EFCAB5: variants seen among roughly 807,000 people sequenced by gnomAD.
EFCAB5 encodes the protein EF-hand calcium-binding domain-containing protein 5.
In EFCAB5, 131 loss-of-function variants were observed where a neutral mutation model predicts 167.9. The ratio of observed to expected loss-of-function variants is 0.78; its 90% CI spans 0.68 to 0.90. The LOEUF (loss-of-function observed/expected upper bound fraction) is 0.90, where lower values mean the gene tolerates loss of function less well. EFCAB5 is among the 40% of genes least tolerant of loss of function. The pLI is 0.00. For synonymous variants in EFCAB5, 574 were observed against 602.8 expected (o/e 0.95, Z 0.70); for missense variants, 1,663 against 1,745.2 (o/e 0.95, Z 0.84).
intron 8 of EFCAB5, among the ~76,000 whole-genome samples, chr17:30,045,831 C>G (rs895309171): frequency 2.0e-5 from 3 of 151,160 alleles, no homozygotes; most frequent in Admixed American, 2.0e-4. Context: ...GAGACCTGGT[C>G]TCTACAAAAA....
At chr17:30,030,861 C>T (rs2151731414) in intron 7 of EFCAB5, among the ~76,000 whole-genome samples, 1 of 152,200 alleles carries the variant, frequency 6.6e-6, no homozygotes, top group East Asian at 1.9e-4. Flanking sequence ...TCCTATGTTG[C>T]TCAGGCTGGC....
chr17:30,076,302 A>G (rs572847669), intron 14 of EFCAB5, among the ~76,000 whole-genome samples: 1 of 152,374 alleles, frequency 6.6e-6, no homozygotes, highest in Admixed American at 6.5e-5. Context: ...TACTAAACCA[A>G]CCACTCTGGC....
rs895414579 is a variant in EFCAB5 at position 30,091,776 on chromosome 17, T to C, written c.3938-95T>C. On this transcript the variant is annotated intron_variant, in intron 20 of 22. Transcript: ENST00000394835. Reference sequence around the variant, plus strand: ...GGTCTGCTTTTTCTTGACAAAAACATTTACTATAATATGTTCAGAATCCTA... The same window carrying C: ...GGTCTGCTTTTTCTTGACAAAAACACTTACTATAATATGTTCAGAATCCTA... 3.5e-5 allele frequency: 47 copies of C among 1,358,468 alleles called. No individual in the cohort carries two copies. In the African/African-American group the frequency reaches 6.5e-4, roughly 19 times the overall value. 84.2% of individuals were successfully genotyped at this position (1,358,468 alleles called of 1,614,324 possible). A position where few individuals can be genotyped will look rare whatever the true frequency, so the allele number is the denominator to read the frequency against.
At chr17:29,998,382 A>G (rs2068590781) in intron 6 of EFCAB5, among the ~76,000 whole-genome samples, 1 of 152,200 alleles carries the variant, frequency 6.6e-6, no homozygotes, top group South Asian at 2.1e-4. Flanking sequence ...CACCTCCTAT[A>G]CTACAGTATT....
At position 30,025,871 on chromosome 17, in the gene EFCAB5, G is replaced by A. The variant is rs539861584; in HGVS notation, c.1045-8359G>A. Among the ~76,000 whole-genome samples, 146 of 152,176 alleles carry A rather than the reference G, an allele frequency of 9.6e-4. 2 individuals carry two copies. The Middle Eastern group carries it at 0.01, about 11-fold the overall frequency. ...ATGATGAGTTCACGTCCTTTGTAGG[G>A]ACATGGATGAAATTGGAAATCATCA... On this transcript the variant is annotated intron_variant, in intron 7 of 22. Transcript: ENST00000394835.
At chr17:29,961,109 G>C (rs964525712) in intron 3 of EFCAB5, among the ~76,000 whole-genome samples, 1 of 152,066 alleles carries the variant, frequency 6.6e-6, no homozygotes, top group Non-Finnish European at 1.5e-5. Context: ...ACCAACACTC[G>C]TTATTTTCTG....
At chr17:29,947,398 G>A (rs535422377) in intron 3 of EFCAB5, among the ~76,000 whole-genome samples, 1 of 152,130 alleles carries the variant, frequency 6.6e-6, no homozygotes, top group Non-Finnish European at 1.5e-5. Context: ...GATATAATGG[G>A]CTATGGAGAC....
chr17:29,983,362 A>C (rs2068217224), intron 4 of EFCAB5, among the ~76,000 whole-genome samples: 1 of 152,202 alleles, frequency 6.6e-6, no homozygotes, highest in African/African-American at 2.4e-5. Context: ...CCCAGTGTTC[A>C]AGTACTTTTC....
In EFCAB5 at chr17:30,080,913, G is replaced by C; in HGVS notation, c.3358G>C (p.Ala1120Pro). 3 of 1,613,662 alleles carry C rather than the reference G, an allele frequency of 1.9e-6. No individual in the cohort carries two copies. The highest frequency in any genetic ancestry group is 2.5e-6 in the Non-Finnish European group (3 of 1,179,846). ...ATATATGAGGATCTTTGGGGTCTTG[G>C]CTGTTGATACCCTTAGAGATCCCCA... Reference protein sequence around the residue: ...DAYMRIFGVLAVDTLRDPHEI... With the variant: ...DAYMRIFGVLPVDTLRDPHEI... The change falls in exon 17 of 23, where the codon GCT becomes CCT. Residue 1120 changes from alanine to proline, a missense_variant. Coordinates refer to ENST00000394835, the MANE Select transcript of EFCAB5 (RefSeq NM_198529.4).
rs186178258 is a variant in EFCAB5, at chr17:30,070,175, G to T, written c.2738-8040G>T. ...CAATAAACAGACTCACTGGATTATA[G>T]AAAAGAAAATTCACATTTGCCTTAT... On this transcript the variant is annotated intron_variant, in intron 14 of 22. Transcript: ENST00000394835. Among the ~76,000 whole-genome samples the T allele has an allele frequency of 9.6e-4, 146 of 151,932 alleles. 2 individuals carry two copies. The Middle Eastern group carries it at 0.01, about 11-fold the overall frequency.
At chr17:30,089,571 CAA>C (rs533061852) in intron 19 of EFCAB5, among the ~76,000 whole-genome samples, 12 of 152,160 alleles carry the variant, frequency 7.9e-5, no homozygotes, top group Non-Finnish European at 1.5e-4. Context: ...ATGAAAATCT[CAA>C]GTCTCTCACT....
At chr17:30,048,335 C>A (rs1454267101) in intron 8 of EFCAB5, among the ~76,000 whole-genome samples, 1 of 147,828 alleles carries the variant, frequency 6.8e-6, no homozygotes, top group Non-Finnish European at 1.5e-5. Context: ...TCCCTGTCTG[C>A]CAGAATGTTA....
chr17:30,105,348 C>G (rs1033866814), intron 22 of EFCAB5, among the ~76,000 whole-genome samples: 3 of 151,792 alleles, frequency 2.0e-5, no homozygotes, highest in Admixed American at 2.0e-4. Context: ...TTAGCCAGGC[C>G]TGGTGATGGG....
intron 3 of EFCAB5, among the ~76,000 whole-genome samples, chr17:29,956,263 A>C (rs994791492): frequency 1.6e-4 from 25 of 152,260 alleles, no homozygotes; most frequent in African/African-American, 5.8e-4. Flanking sequence ...AAAGCTTTAG[A>C]CAAATTGAAC....
At chr17:30,077,379 G>A (rs745539255) in intron 14 of EFCAB5, among the ~76,000 whole-genome samples, 5 of 152,084 alleles carry the variant, frequency 3.3e-5, no homozygotes, top group Admixed American at 6.6e-5. Flanking sequence ...ATGCGTGTGT[G>A]CATGTGTGTG....
At chr17:29,988,667 A>G (rs1023573155) in intron 4 of EFCAB5, among the ~76,000 whole-genome samples, 1 of 152,202 alleles carries the variant, frequency 6.6e-6, no homozygotes, top group African/African-American at 2.4e-5. Context: ...AAGTAAGACT[A>G]TTTATAAAAG....
intron 7 of EFCAB5, among the ~76,000 whole-genome samples, chr17:30,025,084 G>A (rs1203576426): frequency 6.6e-6 from 1 of 151,980 alleles, no homozygotes; most frequent in Admixed American, 6.6e-5. Context: ...AAAAACCCTA[G>A]AAGAAAACCT....
At position 30,082,970 on chromosome 17, in the gene EFCAB5, T is replaced by C; in HGVS notation, c.3506T>C (p.Ile1169Thr). ...EHILHIVITG[I>T]GWLYDVTSSI... is the part of the protein sequence containing the mutation. ...ATTCTGCATATTGTGATCACTGGCA[T>C]AGGCTGGCTTTATGACGTCACATCC... Residue 1169 changes from isoleucine (I) to threonine (T), a missense_variant, in exon 18 of 23, where the codon ATA becomes ACA. Coordinates refer to ENST00000394835, the MANE Select transcript of EFCAB5 (RefSeq NM_198529.4). 6.2e-7 allele frequency: 1 copy of C among 1,614,044 alleles called. No homozygotes were observed. Among genetic ancestry groups the C allele is most frequent in the Non-Finnish European group, 8.5e-7 (1 of 1,179,902 alleles).
chr17:29,942,943 C>A (rs1029074755), intron 2 of EFCAB5, among the ~76,000 whole-genome samples: 3 of 151,910 alleles, frequency 2.0e-5, no homozygotes, highest in South Asian at 2.1e-4. Flanking sequence ...AAGGCCAAGG[C>A]AAGATAATCA....
Sources: gnomAD v4.1 joint callset for allele counts (sites outside exome capture counted in the v4.1 genomes callset) on GRCh38, gnomAD v4.1.1 for gene constraint, MANE v1.5 for transcripts, NCBI Gene and HGNC (gene_info 2026-07-23, HGNC 2026-07-21) for gene names.